Variants in RGSL1 observed in about 807,000 individuals in gnomAD.
RGSL1 encodes regulator of G protein signaling protein-like.
A neutral mutation model predicts 124.7 loss-of-function variants in RGSL1; 97 were observed. The ratio of observed to expected loss-of-function variants is 0.78; its 90% CI spans 0.66 to 0.92. RGSL1 has a LOEUF of 0.92. Among genes scored for constraint, RGSL1 ranks in the 40% least tolerant of loss-of-function variants. The pLI is 0.00. For synonymous variants in RGSL1, 424 were observed against 438.1 expected, an observed-to-expected ratio of 0.97 and a Z score of 0.40; for missense variants, 1,233 against 1,288.4, an observed-to-expected ratio of 0.96 and a Z score of 0.66.
At chr1:182,486,617 G>A (rs1168615732) in intron 6 of RGSL1, among the ~76,000 whole-genome samples, 5 of 152,050 alleles carry the variant, frequency 3.3e-5, no homozygotes, top group Non-Finnish European at 2.9e-5. Context: ...AAAACTGCTA[G>A]GATTACAGGT....
At chr1:182,455,270 G>C (rs1034870598) in intron 2 of RGSL1, among the ~76,000 whole-genome samples, 2 of 152,104 alleles carry the variant, frequency 1.3e-5, no homozygotes, top group Non-Finnish European at 2.9e-5. Flanking sequence ...AGAAGGTGAG[G>C]AGGAAAGGGT....
At chr1:182,549,108 G>C in intron 17 of RGSL1, 1 of 293,918 alleles carries the variant, frequency 3.4e-6, no homozygotes, top group South Asian at 4.8e-5. Flanking sequence ...GTTTTCTTAG[G>C]CCTGGGTTTC....
At chr1:182,495,932 T>C (rs1655880934) in intron 9 of RGSL1, among the ~76,000 whole-genome samples, 1 of 152,234 alleles carries the variant, frequency 6.6e-6, no homozygotes, top group African/African-American at 2.4e-5. Flanking sequence ...GAGCCACCTA[T>C]GACTGGGTGA....
chr1:182,548,035 G>T (rs1000876656), intron 15 of RGSL1, among the ~76,000 whole-genome samples: 1 of 152,182 alleles, frequency 6.6e-6, no homozygotes, highest in African/African-American at 2.4e-5. Flanking sequence ...CATTAGAGGT[G>T]CAATGCTGTA....
In RGSL1 at chr1:182,548,606, G is replaced by T; in HGVS notation, c.2809-94G>T. On this transcript the variant is annotated intron_variant, in intron 16 of 21. Transcript: ENST00000294854. ...CTCCATGAAAACCGTATGCCTTTTG[G>T]AGAGGGGGTGGTCATGGGGTTCTGG... is the stretch of plus-strand genomic sequence containing the variant. The T allele has an allele frequency of 1.2e-5, 19 of 1,521,820 alleles. No homozygotes were observed. The South Asian group carries it at 2.4e-4, about 19-fold the overall frequency. 94.3% of individuals were successfully genotyped at this position (1,521,820 alleles called of 1,614,324 possible). A position where few individuals can be genotyped will look rare whatever the true frequency, so the allele number is the denominator to read the frequency against.
intron 13 of RGSL1, among the ~76,000 whole-genome samples, chr1:182,531,316 G>A (rs1327044040): frequency 6.6e-6 from 1 of 152,158 alleles, no homozygotes; most frequent in Non-Finnish European, 1.5e-5. Flanking sequence ...ACAAACCAGA[G>A]AGAGAATGCA....
chr1:182,490,816 C>G (rs1011564201), intron 8 of RGSL1, among the ~76,000 whole-genome samples: 6 of 152,070 alleles, frequency 3.9e-5, no homozygotes, highest in Non-Finnish European at 5.9e-5. Flanking sequence ...TAATAAAGGG[C>G]CTTCTTTGCA....
chr1:182,456,931 G>A (rs1052510131), intron 2 of RGSL1, among the ~76,000 whole-genome samples: 4 of 152,158 alleles, frequency 2.6e-5, no homozygotes, highest in Admixed American at 6.5e-5. Context: ...CAGATCACTT[G>A]AGGTCAAGAG....
At chr1:182,536,767 C>A (rs1020886534) in intron 14 of RGSL1, among the ~76,000 whole-genome samples, 1 of 151,842 alleles carries the variant, frequency 6.6e-6, no homozygotes, top group Non-Finnish European at 1.5e-5. Context: ...TAGGGAAACT[C>A]CCCTTTTTAA....
chr1:182,463,683 A>G (rs557994569), intron 4 of RGSL1, among the ~76,000 whole-genome samples: 2 of 152,342 alleles, frequency 1.3e-5, no homozygotes, highest in African/African-American at 4.8e-5. Context: ...ATAAACATCT[A>G]CACACCTAAT....
At chr1:182,491,399 G>C (rs187258366) in intron 8 of RGSL1, among the ~76,000 whole-genome samples, 1 of 152,016 alleles carries the variant, frequency 6.6e-6, no homozygotes, top group African/African-American at 2.4e-5. Flanking sequence ...TATTTTATTA[G>C]AGACAGGGTT....
chr1:182,558,016 C>A (rs1660960527), intron 21 of RGSL1, among the ~76,000 whole-genome samples: 1 of 151,940 alleles, frequency 6.6e-6, no homozygotes, highest in Non-Finnish European at 1.5e-5. Context: ...TCAAGCCAGC[C>A]AACCTGGTGT....
chr1:182,553,738 C>T (rs1046957143), intron 19 of RGSL1, among the ~76,000 whole-genome samples, 197 bp downstream of exon 19: 6 of 152,294 alleles, frequency 3.9e-5, no homozygotes, highest in Non-Finnish European at 5.9e-5. Flanking sequence ...TTCCATGGCT[C>T]TGTGAGCAAC....
At position 182,456,617 on chromosome 1, in the gene RGSL1, C is replaced by T. The variant is rs35235788; in HGVS notation, c.97-1702C>T. On this transcript the variant is annotated intron_variant, in intron 2 of 21. Coordinates refer to ENST00000294854, the MANE Select transcript of RGSL1 (RefSeq NM_001137669.2). The stretch of plus-strand genomic sequence containing the variant: ...CTGGCCGAGAAGTAATCTTAAGACC[C>T]GTTAATCAGTCAATTCACCAACACA... Among the ~76,000 whole-genome samples the T allele has an allele frequency of 7.6e-3, 1,161 of 152,190 alleles. 3 individuals carry two copies. Among genetic ancestry groups the T allele is most frequent in the Middle Eastern group, 0.017 (5 of 294 alleles).
intron 9 of RGSL1, among the ~76,000 whole-genome samples, chr1:182,501,907 T>C (rs142472403): frequency 1.3e-3 from 193 of 152,330 alleles, no homozygotes; most frequent in Middle Eastern, 6.8e-3. Flanking sequence ...TGGTTCTTGA[T>C]TATTGGTTCA....
intron 4 of RGSL1, chr1:182,460,855 T>G (rs1484792845): frequency 2.0e-5 from 8 of 399,018 alleles, no homozygotes; most frequent in Non-Finnish European, 3.5e-5. Context: ...TTTCAGCTCT[T>G]TGCACAGTGG....
chr1:182,551,078 C>G (rs1020233446), intron 17 of RGSL1, 22 bp from the exon 18 acceptor site: 1 of 1,523,346 alleles, frequency 6.6e-7, no homozygotes, highest in African/African-American at 1.4e-5. Context: ...CCTCCTATGA[C>G]CAGAAGCCAT....
At chr1:182,506,913 C>T (rs1453964492) in intron 9 of RGSL1, among the ~76,000 whole-genome samples, 1 of 150,874 alleles carries the variant, frequency 6.6e-6, no homozygotes, top group African/African-American at 2.4e-5. Flanking sequence ...ACATTCTTCT[C>T]TTCTAGCTAG....
chr1:182,458,654 G>T (rs555918581), intron 3 of RGSL1, among the ~76,000 whole-genome samples: 1 of 152,030 alleles, frequency 6.6e-6, no homozygotes, highest in South Asian at 2.1e-4. Context: ...TGTATTTTTG[G>T]TAGAGACGGA....
Sources: allele counts gnomAD v4.1 joint callset (sites outside exome capture counted in the v4.1 genomes callset), GRCh38; gene constraint gnomAD v4.1.1; transcripts MANE v1.5; gene names NCBI Gene and HGNC (gene_info 2026-07-23, HGNC 2026-07-21).